Variants in TDRD5 observed in about 807,000 individuals in gnomAD.
TDRD5 encodes the protein tudor domain-containing protein 5.
Under a neutral mutation model 120.6 loss-of-function variants are expected in TDRD5, and 41 were observed. That is an observed-to-expected ratio of 0.34 (90% CI 0.26 to 0.44). TDRD5 has a LOEUF of 0.44. TDRD5 is among the 20% of genes least tolerant of loss of function. The probability of loss-of-function intolerance (pLI) is 1.00; values close to 1 mark genes in which losing one functional copy is unlikely to be tolerated. For synonymous variants in TDRD5, 430 were observed against 433.7 expected (o/e 0.99, Z 0.11); for missense variants, 1,006 against 1,221.2 (o/e 0.82, Z 2.63).
At chr1:179,684,096 G>A (rs549556993) in intron 17 of TDRD5, among the ~76,000 whole-genome samples, 40 of 151,770 alleles carry the variant, frequency 2.6e-4, no homozygotes, top group African/African-American at 2.4e-5. Context: ...TGTGCACAGC[G>A]TGCAGGTTTG....
chr1:179,690,548 C>T lies in TDRD5; in HGVS notation c.2861-148C>T, dbSNP rs970344233. On this transcript the variant is annotated intron_variant, in intron 17 of 17. Coordinates refer to ENST00000444136, the MANE Select transcript of TDRD5 (RefSeq NM_001199085.3). Reference sequence around the variant, plus strand: ...TCCATTTGTTGACTGGTTTCTAAGTCTCATCTTCTCTGATTAGCCATTGGT... The same window carrying T: ...TCCATTTGTTGACTGGTTTCTAAGTTTCATCTTCTCTGATTAGCCATTGGT... 14 of 1,033,596 alleles carry T rather than the reference C, an allele frequency of 1.4e-5. No individual in the cohort carries two copies. In the African/African-American group the frequency reaches 1.9e-4, roughly 14 times the overall value. The allele number at this position is 1,033,596 out of a possible 1,614,324, so 64.0% of individuals were successfully genotyped here.
Position 179,658,582 on chromosome 1 carries a change from G to T in TDRD5, c.2323-3522G>T, listed in dbSNP as rs183190266. ...AACTATATGTATAACATTGTTTATA[G>T]TATTCCCTTATTATCCTTTTGTTAT... is the stretch of plus-strand genomic sequence containing the variant. On this transcript the variant is annotated intron_variant, in intron 14 of 17. Coordinates refer to ENST00000444136, the MANE Select transcript of TDRD5 (RefSeq NM_001199085.3). Among the ~76,000 whole-genome samples the T allele has an allele frequency of 2.2e-3, 338 of 152,220 alleles. 6 individuals carry two copies. Among genetic ancestry groups the T allele is most frequent in the African/African-American group, 7.7e-3 (319 of 41,568 alleles).
chr1:179,647,747 C>T (rs12730397), intron 11 of TDRD5, among the ~76,000 whole-genome samples: 35,785 of 149,670 alleles, frequency 0.24, 4,698 homozygotes, highest in East Asian at 0.34. Context: ...AACAAATTTA[C>T]AAGAAAAAAA....
At chr1:179,658,426 T>C (rs1415781559) in intron 14 of TDRD5, among the ~76,000 whole-genome samples, 2 of 152,182 alleles carry the variant, frequency 1.3e-5, no homozygotes, top group African/African-American at 4.8e-5. Context: ...AATTATAAAA[T>C]CAATTGCTTT....
At chr1:179,688,601 G>A (rs1233170013) in intron 17 of TDRD5, among the ~76,000 whole-genome samples, 12 of 152,168 alleles carry the variant, frequency 7.9e-5, no homozygotes, top group Admixed American at 7.2e-4. Context: ...TGCCTTGCTA[G>A]GTTGGGGAAG....
intron 4 of TDRD5, among the ~76,000 whole-genome samples, chr1:179,601,575 C>T (rs541484119): frequency 1.3e-5 from 2 of 152,294 alleles, no homozygotes; most frequent in African/African-American, 4.8e-5. Context: ...TCATCAAGGT[C>T]ACAGCAAATG....
Position 179,687,172 on chromosome 1 carries a change from G to A in TDRD5, c.2861-3524G>A, listed in dbSNP as rs1393023680. On this transcript the variant is annotated intron_variant, in intron 17 of 17. Transcript: ENST00000444136. ...TTAGATCTTTCCTGGTTTCTCTTGT[G>A]GGCATTTAGTGCTATAAATTTCCCT... 2.0e-5 allele frequency among the ~76,000 whole-genome samples: 3 copies of A among 152,088 alleles called. No homozygotes were observed. The South Asian group carries it at 6.2e-4, about 32-fold the overall frequency.
At chr1:179,676,086 CT>C (rs1246675712) in intron 17 of TDRD5, among the ~76,000 whole-genome samples, 1 of 152,090 alleles carries the variant, frequency 6.6e-6, no homozygotes, top group Non-Finnish European at 1.5e-5. Context: ...TGGACTAGTC[CT>C]TTTATCATTA....
At position 179,662,363 on chromosome 1, in the gene TDRD5, G is replaced by A. The variant is rs895671366; in HGVS notation, c.2505+77G>A. 9.5e-6 allele frequency: 14 copies of A among 1,473,666 alleles called. No individual in the cohort carries two copies. In the Admixed American group the frequency reaches 3.2e-4, roughly 33 times the overall value. The allele number at this position is 1,473,666 out of a possible 1,614,324, so 91.3% of individuals were successfully genotyped here. On this transcript the variant is annotated intron_variant, in intron 15 of 17. Transcript: ENST00000444136. ...AGCCTGTAATCCTAGCAGTTTGGGAGGCCAAGGTGGGTGGATCAGTTGAGC... is the reference window on the plus strand; with the variant it reads ...AGCCTGTAATCCTAGCAGTTTGGGAAGCCAAGGTGGGTGGATCAGTTGAGC...
intron 4 of TDRD5, among the ~76,000 whole-genome samples, chr1:179,603,285 T>C (rs1052303601): frequency 6.6e-6 from 1 of 152,156 alleles, no homozygotes; most frequent in African/African-American, 2.4e-5. Context: ...GGAGGAGTCT[T>C]TAGGGTTTTC....
At chr1:179,635,555 A>G (rs1350272153) in intron 8 of TDRD5, 112 bp from the exon 9 acceptor site, 2 of 1,029,158 alleles carry the variant, frequency 1.9e-6, no homozygotes, top group Non-Finnish European at 2.8e-6. Context: ...GTATTTTTAT[A>G]ATTTCCCAAG....
intron 5 of TDRD5, 81 bp from the exon 6 acceptor site, chr1:179,620,954 G>A: frequency 8.8e-7 from 1 of 1,130,780 alleles, no homozygotes; most frequent in Non-Finnish European, 1.2e-6. Flanking sequence ...TGCCTTTGTT[G>A]TTATTTGTTT....
At chr1:179,680,095 T>G (rs984762399) in intron 17 of TDRD5, among the ~76,000 whole-genome samples, 1 of 152,174 alleles carries the variant, frequency 6.6e-6, no homozygotes, top group Non-Finnish European at 1.5e-5. Context: ...TTATGTTGTT[T>G]AATTTCCACA....
chr1:179,690,574 A>G, intron 17 of TDRD5, 122 bp from the exon 18 acceptor site: 3 of 1,345,594 alleles, frequency 2.2e-6, no homozygotes, highest in South Asian at 3.0e-5. Context: ...AGCCATTGGT[A>G]ATTGTCGCTA....
At chr1:179,608,942 T>C (rs1252927870) in intron 4 of TDRD5, among the ~76,000 whole-genome samples, 1 of 152,154 alleles carries the variant, frequency 6.6e-6, no homozygotes, top group Middle Eastern at 3.2e-3. Flanking sequence ...ATGTTCTCCC[T>C]ATATTTATAT....
At chr1:179,650,741 T>C in intron 11 of TDRD5, 126 bp from the exon 12 acceptor site, 1 of 899,796 alleles carries the variant, frequency 1.1e-6, no homozygotes, top group South Asian at 1.6e-5. Flanking sequence ...CTATGTGTTA[T>C]TCTAGTACTT....
chr1:179,621,026 A>G lies in TDRD5; in HGVS notation c.916-9A>G, dbSNP rs766193098. 2 of 1,591,752 alleles carry G rather than the reference A, an allele frequency of 1.3e-6. No individual in the cohort carries two copies. Among genetic ancestry groups the G allele is most frequent in the Admixed American group, 1.8e-5 (1 of 55,070 alleles). On this transcript the variant is annotated splice_polypyrimidine_tract_variant and intron_variant, in intron 5 of 17. Coordinates refer to ENST00000444136, the MANE Select transcript of TDRD5 (RefSeq NM_001199085.3). ...GTGTCTATATTGTATTTCACTTTCT[A>G]TTTGTTAGGTTGTATCTAAGTTCCC...
At chr1:179,622,428 C>T (rs1287549552) in intron 6 of TDRD5, among the ~76,000 whole-genome samples, 1 of 152,050 alleles carries the variant, frequency 6.6e-6, no homozygotes, top group Non-Finnish European at 1.5e-5. Flanking sequence ...AATGTGACCC[C>T]TTGACAAAGA....
chr1:179,666,575 G>A (rs751572806), intron 16 of TDRD5, among the ~76,000 whole-genome samples: 26 of 152,052 alleles, frequency 1.7e-4, no homozygotes, highest in African/African-American at 5.8e-4. Context: ...ACCTCCCGAC[G>A]TAATTTGTAG....
Sources: allele counts gnomAD v4.1 joint callset (sites outside exome capture counted in the v4.1 genomes callset), GRCh38; gene constraint gnomAD v4.1.1; transcripts MANE v1.5; gene names NCBI Gene and HGNC (gene_info 2026-07-23, HGNC 2026-07-21).